Variants in SNAP47 observed in about 807,000 individuals in gnomAD.
SNAP47 encodes synaptosome associated protein 47.
In SNAP47, 20 loss-of-function variants were observed where a neutral mutation model predicts 31.4. That is an observed-to-expected ratio of 0.64 (90% confidence interval 0.45 to 0.93). The LOEUF is 0.93. SNAP47 is among the 40% of genes least tolerant of loss of function. SNAP47 has a pLI of 0.00. For missense variants in SNAP47, 492 were observed against 528.5 expected (o/e 0.93, Z 0.68); for synonymous variants, 194 against 213.4 (o/e 0.91, Z 0.79).
At chr1:227,776,564 G>A in intron 4 of SNAP47, 1 of 985,458 alleles carries the variant, frequency 1.0e-6, no homozygotes, top group Non-Finnish European at 1.2e-6. Context: ...GTCACCCCAG[G>A]CCGCAGAGGA....
At chr1:227,748,442 C>T (rs1424457730) in intron 2 of SNAP47, among the ~76,000 whole-genome samples, 1 of 152,240 alleles carries the variant, frequency 6.6e-6, no homozygotes, top group Non-Finnish European at 1.5e-5. Flanking sequence ...ACGGTACACT[C>T]TGCTGGAAAC....
At chr1:227,733,903 T>G (rs183256403), upstream of SNAP47, 1,221 of 1,613,396 alleles carry the variant, frequency 7.6e-4, 8 homozygotes, top group African/African-American at 0.013. Context: ...ATCCGTGGCC[T>G]CACCAGCTGC....
rs1338771848 is a variant in SNAP47, at chr1:227,776,567, G to A, written c.1114-3960G>A. 17 of 985,472 alleles carry A rather than the reference G, an allele frequency of 1.7e-5. No individual in the cohort carries two copies. In the South Asian group the frequency reaches 2.3e-4, roughly 14 times the overall value. The allele number at this position is 985,472 out of a possible 1,614,324, so 61.0% of individuals were successfully genotyped here. On this transcript the variant is annotated intron_variant, in intron 4 of 4. Transcript: ENST00000617596. ...GCTAGATGGCTTGTCACCCCAGGCCGCAGAGGAACAACTGTTTCTAGGGTT... is the reference window on the plus strand; with the variant it reads ...GCTAGATGGCTTGTCACCCCAGGCCACAGAGGAACAACTGTTTCTAGGGTT...
upstream of SNAP47, chr1:227,735,351 G>C (rs1185811546): frequency 1.3e-6 from 2 of 1,595,166 alleles, no homozygotes; most frequent in African/African-American, 1.3e-5. Context: ...CTCGGAACCA[G>C]AAGACGCAGG....
intron 4 of SNAP47, among the ~76,000 whole-genome samples, chr1:227,777,417 G>C (rs1290340084): frequency 6.6e-6 from 1 of 152,176 alleles, no homozygotes; most frequent in African/African-American, 2.4e-5. Flanking sequence ...GTTGGGGTCT[G>C]TGTGGAGGTG....
At chr1:227,751,417 T>G (rs2102929698) in intron 2 of SNAP47, among the ~76,000 whole-genome samples, 1 of 152,214 alleles carries the variant, frequency 6.6e-6, no homozygotes, top group Non-Finnish European at 1.5e-5. Flanking sequence ...CACAGCAGAG[T>G]GAGGCCCTGT....
chr1:227,754,102 G>C (rs1004347691), intron 2 of SNAP47, among the ~76,000 whole-genome samples: 1 of 152,234 alleles, frequency 6.6e-6, no homozygotes, highest in African/African-American at 2.4e-5. Flanking sequence ...AGTGGAAGTA[G>C]CTCTCAGCAG....
Position 227,780,973 on chromosome 1 carries a change from C to G in SNAP47, c.*300C>G, listed in dbSNP as rs1664428281. On this transcript the variant is annotated 3_prime_UTR_variant, in exon 5 of 5. Transcript: ENST00000617596. ...TGGCACAGGCCTGGAAGAGGCCGCC[C>G]TCGTCTTGTCTCGGCTCCCTTTCAT... 1 of 384,436 alleles carries G rather than the reference C, an allele frequency of 2.6e-6. No homozygotes were observed. The highest frequency in any genetic ancestry group is 4.8e-6 in the Non-Finnish European group (1 of 209,898). The allele number at this position is 384,436 out of a possible 1,614,324, so 23.8% of individuals were successfully genotyped here.
chr1:227,769,861 AGT>A (rs1006348180), intron 4 of SNAP47, among the ~76,000 whole-genome samples: 4 of 152,224 alleles, frequency 2.6e-5, no homozygotes, highest in African/African-American at 9.6e-5. Context: ...GGTCTAGGGC[AGT>A]TCCCTGGGAC....
intron 2 of SNAP47, among the ~76,000 whole-genome samples, chr1:227,756,223 T>A (rs1480396563): frequency 6.6e-6 from 1 of 152,200 alleles, no homozygotes; most frequent in Non-Finnish European, 1.5e-5. Flanking sequence ...AAAGAAAATT[T>A]GGCTTAATAA....
Position 227,762,227 on chromosome 1 carries a change from C to A in SNAP47, c.988+2742C>A, listed in dbSNP as rs1217013377. Among the ~76,000 whole-genome samples, 1 of 152,228 alleles carries A rather than the reference C, an allele frequency of 6.6e-6. No homozygotes were observed. The highest frequency in any genetic ancestry group is 2.4e-5 in the African/African-American group (1 of 41,466). On this transcript the variant is annotated intron_variant, in intron 3 of 4. Coordinates refer to ENST00000617596, the MANE Select transcript of SNAP47 (RefSeq NM_053052.4). This position sits in a 1 kb window ranked among gnomAD's most constrained non-coding sequence, Gnocchi z 4.2. ...TGTGCCACCTTTCCGTGCTCACTTT[C>A]ACCCCCATGGGCAACCTGGCCTGTC...
chr1:227,749,428 G>A (rs1312336765), intron 2 of SNAP47, among the ~76,000 whole-genome samples: 3 of 152,132 alleles, frequency 2.0e-5, no homozygotes, highest in African/African-American at 7.2e-5. Context: ...TCTGGGAGCC[G>A]AGGATCTCCC....
intron 2 of SNAP47, 87 bp downstream of exon 2, chr1:227,748,320 C>T (rs1662115649): frequency 3.6e-6 from 5 of 1,378,814 alleles, no homozygotes; most frequent in South Asian, 1.5e-5. Context: ...CAGGCCACTG[C>T]ACCATATTTG....
At position 227,748,043 on chromosome 1, in the gene SNAP47, C is replaced by T. The variant is rs761142161; in HGVS notation, c.307C>T (p.Leu103=). 1 of 1,614,038 alleles carries T rather than the reference C, an allele frequency of 6.2e-7. No homozygotes were observed. The highest frequency in any genetic ancestry group is 1.3e-5 in the African/African-American group (1 of 74,930). The change falls in exon 2 of 5, where the codon CTG becomes TTG. Residue 103 remains leucine (L), a synonymous_variant. Coordinates refer to ENST00000617596, the MANE Select transcript of SNAP47 (RefSeq NM_053052.4). The stretch of plus-strand genomic sequence containing the variant: ...CGAGCATTTCTGGAGGGAGCTGCTG[C>T]TGTCTCAGCCTGGAGCCGTGGCAGA... ...IIEHFWRELL[L]SQPGAVADAS...
At chr1:227,768,893 G>A (rs1663609279) in intron 4 of SNAP47, among the ~76,000 whole-genome samples, 1 of 152,184 alleles carries the variant, frequency 6.6e-6, no homozygotes, top group South Asian at 2.1e-4. Context: ...GGTGTCCACG[G>A]CCGAGATACT....
At chr1:227,748,344 T>C in intron 2 of SNAP47, 111 bp downstream of exon 2, 3 of 1,229,086 alleles carry the variant, frequency 2.4e-6, no homozygotes, top group Non-Finnish European at 3.3e-6. Flanking sequence ...ACATCCAGCA[T>C]TCTGAGATCC....
chr1:227,768,901 A>C (rs1213209985), intron 4 of SNAP47, among the ~76,000 whole-genome samples: 5 of 152,196 alleles, frequency 3.3e-5, no homozygotes. Flanking sequence ...CGGCCGAGAT[A>C]CTCACTGTAT....
At chr1:227,776,679 A>G (rs1664179354) in intron 4 of SNAP47, 1 of 985,382 alleles carries the variant, frequency 1.0e-6, no homozygotes, top group African/African-American at 1.7e-5. Flanking sequence ...CCCTTCTCAA[A>G]GGAAAAAGAA....
chr1:227,731,442 G>C (rs974669920), upstream of SNAP47: 10 of 152,258 alleles, frequency 6.6e-5, no homozygotes, highest in African/African-American at 2.2e-4. Flanking sequence ...GCCAACCAGG[G>C]GCCAACTGAA....
Sources: gnomAD v4.1 joint callset for allele counts (sites outside exome capture counted in the v4.1 genomes callset) on GRCh38, gnomAD v4.1.1 for gene constraint, Gnocchi (gnomAD v3.1) non-coding constraint, MANE v1.5 for transcripts, NCBI Gene and HGNC (gene_info 2026-07-23, HGNC 2026-07-21) for gene names.